GRIN3A: variants seen among roughly 807,000 people sequenced by gnomAD.
GRIN3A encodes glutamate receptor ionotropic, NMDA 3A.
A neutral mutation model predicts 92.4 loss-of-function variants in GRIN3A; 47 were observed. The ratio of observed to expected loss-of-function variants is 0.51; its 90% CI spans 0.40 to 0.65. GRIN3A has a LOEUF of 0.65. GRIN3A is among the 30% of genes least tolerant of loss of function. The pLI, the probability that GRIN3A is intolerant of heterozygous loss-of-function variation, is 0.00. For missense variants in GRIN3A, 1,324 were observed against 1,393.1 expected (o/e 0.95, Z 0.79); for synonymous variants, 527 against 540.6 (o/e 0.97, Z 0.35).
intron 1 of GRIN3A, among the ~76,000 whole-genome samples, chr9:101,706,073 A>T (rs758797363): frequency 3.3e-5 from 5 of 152,226 alleles, no homozygotes; most frequent in Non-Finnish European, 7.3e-5. Flanking sequence ...AGTAAGAAAT[A>T]TAAGAAGCGA....
chr9:101,627,034 C>G (rs772190038), intron 4 of GRIN3A, among the ~76,000 whole-genome samples: 2 of 152,198 alleles, frequency 1.3e-5, no homozygotes, highest in African/African-American at 2.4e-5. Flanking sequence ...CATCCTTTTT[C>G]ACACTGTCAG....
At chr9:101,585,189 A>T (rs539360840) in intron 6 of GRIN3A, among the ~76,000 whole-genome samples, 2 of 152,206 alleles carry the variant, frequency 1.3e-5, no homozygotes, top group Non-Finnish European at 2.9e-5. Context: ...TTATTCATGT[A>T]TCGGCAGCTT....
chr9:101,674,809 G>A (rs1829372909), intron 2 of GRIN3A, among the ~76,000 whole-genome samples: 1 of 152,022 alleles, frequency 6.6e-6, no homozygotes, highest in South Asian at 2.1e-4. Flanking sequence ...AAATGTAAGA[G>A]GAGGTAGTAA....
intron 1 of GRIN3A, among the ~76,000 whole-genome samples, chr9:101,712,567 A>G (rs1349581861): frequency 1.3e-5 from 2 of 152,248 alleles, no homozygotes; most frequent in African/African-American, 4.8e-5. Context: ...TCACCATTCT[A>G]GAACTCATCC....
At chr9:101,664,907 G>T (rs531605357) in intron 3 of GRIN3A, among the ~76,000 whole-genome samples, 51 of 152,006 alleles carry the variant, frequency 3.4e-4, no homozygotes, top group African/African-American at 1.1e-3. Flanking sequence ...TTACAGATAC[G>T]TAGCCAGGGC....
chr9:101,645,678 C>G (rs1050456093), intron 3 of GRIN3A, among the ~76,000 whole-genome samples: 1 of 147,860 alleles, frequency 6.8e-6, no homozygotes, highest in African/African-American at 2.5e-5. Context: ...TCCTTGATGG[C>G]ATATATATAG....
chr9:101,573,599 T>C, intron 8 of GRIN3A, 86 bp from the exon 9 acceptor site: 1 of 1,057,666 alleles, frequency 9.5e-7, no homozygotes, highest in Non-Finnish European at 1.4e-6. Flanking sequence ...TCCTGTGCAA[T>C]AATATGGAGC....
chr9:101,723,625 T>A (rs897931362), intron 1 of GRIN3A, among the ~76,000 whole-genome samples: 2 of 152,136 alleles, frequency 1.3e-5, no homozygotes, highest in African/African-American at 2.4e-5. Context: ...GTGGTCTGTT[T>A]TGACAGGGTG....
intron 1 of GRIN3A, among the ~76,000 whole-genome samples, chr9:101,731,834 T>C (rs1294918501): frequency 6.6e-6 from 1 of 152,226 alleles, no homozygotes; most frequent in Non-Finnish European, 1.5e-5. Flanking sequence ...TGCTCTTTGC[T>C]CCTGTGATCT....
Position 101,670,860 on chromosome 9 carries a change from C to G in GRIN3A, c.1552G>C (p.Val518Leu). 6.2e-7 allele frequency: 1 copy of G among 1,613,672 alleles called. No homozygotes were observed. Among genetic ancestry groups the G allele is most frequent in the Non-Finnish European group, 8.5e-7 (1 of 1,179,742 alleles). ...QHPSKLHLRV[V>L]TLIEHPFVFT... Reference sequence around the variant, plus strand: ...ACAAAAGGATGCTCAATCAGGGTAACCACTCTCAAGTGTAGCTTACTTGGA... The same window carrying G: ...ACAAAAGGATGCTCAATCAGGGTAAGCACTCTCAAGTGTAGCTTACTTGGA... Residue 518 changes from valine to leucine, a missense_variant, in exon 3 of 9, where the codon GTT (valine) becomes CTT (leucine). By Grantham distance (32) the Val-to-Leu change is conservative. Coordinates refer to ENST00000361820, the MANE Select transcript of GRIN3A (RefSeq NM_133445.3).
intron 5 of GRIN3A, among the ~76,000 whole-genome samples, chr9:101,617,205 TAAAAAAAAAAAA>T (rs61141843): frequency 1.9e-5 from 2 of 107,194 alleles, no homozygotes; most frequent in Non-Finnish European, 3.8e-5. Context: ...AGACTCCGTC[TAAAAAAAAAAAA>T]AAAAAAAAAG....
intron 3 of GRIN3A, among the ~76,000 whole-genome samples, chr9:101,633,791 G>C (rs1371440422): frequency 6.8e-6 from 1 of 147,682 alleles, no homozygotes; most frequent in African/African-American, 2.4e-5. Flanking sequence ...GGTCCCTGGT[G>C]CCAAAAAGGT....
intron 2 of GRIN3A, among the ~76,000 whole-genome samples, chr9:101,682,874 C>A (rs1425524996): frequency 6.6e-6 from 1 of 152,020 alleles, no homozygotes; most frequent in Non-Finnish European, 1.5e-5. Context: ...CCCAGCTACT[C>A]GGGAGGCTGA....
intron 3 of GRIN3A, among the ~76,000 whole-genome samples, chr9:101,651,183 C>T (rs1453864797): frequency 6.6e-6 from 1 of 151,850 alleles, no homozygotes; most frequent in Non-Finnish European, 1.5e-5. Flanking sequence ...CTGATTTGGT[C>T]TTAACTGCCA....
At chr9:101,682,918 C>CTTGCAGTGAGCCGAGA (rs2118971215) in intron 2 of GRIN3A, among the ~76,000 whole-genome samples, 1 of 152,302 alleles carries the variant, frequency 6.6e-6, no homozygotes, top group South Asian at 2.1e-4. Context: ...GGAGGCGGAG[C>CTTGCAGTGAGCCGAGA]TTGCAGTGAG....
intron 6 of GRIN3A, chr9:101,595,000 C>T: frequency 6.6e-7 from 1 of 1,524,136 alleles, no homozygotes; most frequent in Non-Finnish European, 8.8e-7. Flanking sequence ...GGGCTCGTGC[C>T]CGGACGGTTG....
chr9:101,627,511 T>C (rs1828649990), intron 4 of GRIN3A, among the ~76,000 whole-genome samples: 1 of 152,166 alleles, frequency 6.6e-6, no homozygotes, highest in Non-Finnish European at 1.5e-5. Context: ...TTCTAGGAAT[T>C]GGAGGTGTGG....
At chr9:101,732,340 A>G (rs1404361439) in intron 1 of GRIN3A, among the ~76,000 whole-genome samples, 1 of 152,198 alleles carries the variant, frequency 6.6e-6, no homozygotes, top group Non-Finnish European at 1.5e-5. Flanking sequence ...CCTGAATGAT[A>G]GTTTGCCTAT....
rs373966718 is a variant in GRIN3A at position 101,585,685 on chromosome 9, C to CA, written c.2767-6326dup. Among the ~76,000 whole-genome samples, 101 of 152,284 alleles carry CA rather than the reference C, an allele frequency of 6.6e-4. 1 individual carries two copies. The highest frequency in any genetic ancestry group is 5.2e-4 in the Admixed American group (8 of 15,298). On this transcript the variant is annotated intron_variant, in intron 6 of 8. Coordinates refer to ENST00000361820, the MANE Select transcript of GRIN3A (RefSeq NM_133445.3). The stretch of plus-strand genomic sequence containing the variant: ...CGACCTTCAAAGTATATCCAGAATT[C>CA]AACATCCCACCACCTCCACCAACCA...
Sources: gnomAD v4.1 joint callset for allele counts (sites outside exome capture counted in the v4.1 genomes callset) on GRCh38, gnomAD v4.1.1 for gene constraint, MANE v1.5 for transcripts, NCBI Gene and HGNC (gene_info 2026-07-23, HGNC 2026-07-21) for gene names.